Variants in HLA-DRB5 observed in about 807,000 individuals in gnomAD.
HLA-DRB5 encodes the protein major histocompatibility complex, class II, DR beta 5, also known as DR beta-5.
In HLA-DRB5, 11 loss-of-function variants were observed where a neutral mutation model predicts 22.4. That is an observed-to-expected ratio of 0.49 (90% CI 0.31 to 0.81). The LOEUF (loss-of-function observed/expected upper bound fraction) is 0.81, where lower values mean the gene tolerates loss of function less well. HLA-DRB5 is among the 40% of genes least tolerant of loss of function. The pLI, the probability that HLA-DRB5 is intolerant of heterozygous loss-of-function variation, is 0.05. For missense variants in HLA-DRB5, 106 were observed against 274.4 expected, an observed-to-expected ratio of 0.39 and a Z score of 4.34; for synonymous variants, 57 against 106.0, an observed-to-expected ratio of 0.54 and a Z score of 2.84.
chr6:32,523,225 T>C (rs191591557), intron 1 of HLA-DRB5, among the ~76,000 whole-genome samples: 276 of 37,978 alleles, frequency 7.3e-3, no homozygotes, highest in Middle Eastern at 0.017. Context: ...TTAAAAGAAA[T>C]TTGTTCATAA....
At chr6:32,520,661 ACT>A (rs1768731116) in intron 2 of HLA-DRB5, among the ~76,000 whole-genome samples, 2 of 83,134 alleles carry the variant, frequency 2.4e-5, no homozygotes, top group Non-Finnish European at 2.5e-5. Flanking sequence ...ACACTAGCAG[ACT>A]CTCAATAAAT....
intron 1 of HLA-DRB5, among the ~76,000 whole-genome samples, chr6:32,525,472 G>A (rs1156836444): frequency 7.1e-5 from 7 of 98,476 alleles, no homozygotes; most frequent in Admixed American, 3.2e-4. Context: ...TTTTGCAATT[G>A]TCTTCTGTTC....
rs780062911 is a variant in HLA-DRB5, at chr6:32,522,089, G to A, written c.186C>T (p.Asn62=). 3 of 1,293,672 alleles carry A rather than the reference G, an allele frequency of 2.3e-6. No individual in the cohort carries two copies. Among genetic ancestry groups the A allele is most frequent in the Non-Finnish European group, 3.2e-6 (3 of 924,966 alleles). The allele number at this position is 1,293,672 out of a possible 1,614,324, so 80.1% of individuals were successfully genotyped here. A position where few individuals can be genotyped will look rare whatever the true frequency, so the allele number is the denominator to read the frequency against. ...TGTCGAAGCGCAAGTCCTCCTCTTG[G>A]TTATAGATGTCTCTGTGCAGGAACC... ...RVRFLHRDIY[N]QEEDLRFDSD... The change falls in exon 2 of 6, where the codon AAC becomes AAT. Residue 62 remains asparagine, a synonymous_variant. Transcript: ENST00000374975.
chr6:32,528,121 G>C (rs1769834545), intron 1 of HLA-DRB5, among the ~76,000 whole-genome samples: 1 of 72,964 alleles, frequency 1.4e-5, no homozygotes, highest in Non-Finnish European at 2.7e-5. Flanking sequence ...TCGTCCCTTA[G>C]ATCTTCACGA....
At chr6:32,522,869 AG>A (rs1162439069) in intron 1 of HLA-DRB5, among the ~76,000 whole-genome samples, 757 of 33,848 alleles carry the variant, frequency 0.022, 53 homozygotes, top group East Asian at 0.032. Context: ...GGTGTGAACC[AG>A]GGGGCGGAGT....
chr6:32,522,733 A>G (rs115811914), intron 1 of HLA-DRB5, among the ~76,000 whole-genome samples: 1 of 67,754 alleles, frequency 1.5e-5, no homozygotes, highest in African/African-American at 6.3e-5. Context: ...CTTAGACAGG[A>G]ATGAGAAATG....
intron 1 of HLA-DRB5, among the ~76,000 whole-genome samples, chr6:32,524,303 C>T (rs74943410): frequency 0.24 from 29,698 of 121,668 alleles, 207 homozygotes; most frequent in Admixed American, 0.29. Context: ...CAAATCATAT[C>T]ATTTGTCTTT....
intron 1 of HLA-DRB5, among the ~76,000 whole-genome samples, chr6:32,529,260 G>T: frequency 8.4e-6 from 1 of 119,108 alleles, no homozygotes; most frequent in Non-Finnish European, 1.7e-5. Flanking sequence ...TCAAATTTCT[G>T]ATATTTGACT....
At chr6:32,529,600 C>G (rs1348465375) in intron 1 of HLA-DRB5, among the ~76,000 whole-genome samples, 27 of 87,930 alleles carry the variant, frequency 3.1e-4, no homozygotes, top group Middle Eastern at 7.7e-3. Flanking sequence ...ACAGGGTAAA[C>G]ATTGGAGTTC....
intron 1 of HLA-DRB5, among the ~76,000 whole-genome samples, chr6:32,524,347 T>A (rs72508450): frequency 0.11 from 11,413 of 108,546 alleles, 4 homozygotes; most frequent in Admixed American, 0.17. Context: ...CTCTGCCACT[T>A]GTCCACTAAT....
chr6:32,521,811 T>TCTCTCTCACACACACACA (rs879229020), intron 2 of HLA-DRB5, 94 bp downstream of exon 2: 5 of 249,376 alleles, frequency 2.0e-5, no homozygotes, highest in African/African-American at 2.0e-4. Flanking sequence ...CCTCTCTCTC[T>TCTCTCTCACACACACACA]CACACACACA....
chr6:32,521,604 T>A (rs868690109), intron 2 of HLA-DRB5, among the ~76,000 whole-genome samples: 59 of 60,928 alleles, frequency 9.7e-4, no homozygotes, highest in East Asian at 4.2e-3. Flanking sequence ...TCCAGCCCCC[T>A]GCACCCACCT....
At chr6:32,528,364 C>T (rs141658384) in intron 1 of HLA-DRB5, among the ~76,000 whole-genome samples, 8,488 of 132,104 alleles carry the variant, frequency 0.064, 418 homozygotes, top group Non-Finnish European at 0.081. Flanking sequence ...CTATCTTACT[C>T]AAATAGAATG....
chr6:32,521,582 GTC>G (rs1171845206), intron 2 of HLA-DRB5, among the ~76,000 whole-genome samples: 1,051 of 94,780 alleles, frequency 0.011, no homozygotes, highest in East Asian at 0.024. Flanking sequence ...GACAACCAAG[GTC>G]TCCTCTCTCT....
chr6:32,522,062 G>A lies in HLA-DRB5; in HGVS notation c.213C>T (p.Ser71=), dbSNP rs151326153. 47,685 of 1,195,682 alleles carry A rather than the reference G, an allele frequency of 0.04. 19 individuals are homozygous for A. Among genetic ancestry groups the A allele is most frequent in the Admixed American group, 0.064 (2,606 of 40,742 alleles). 74.1% of individuals were successfully genotyped at this position (1,195,682 alleles called of 1,614,324 possible). A position where few individuals can be genotyped will look rare whatever the true frequency, so the allele number is the denominator to read the frequency against. Reference sequence around the variant, plus strand: ...TCACCGCCCGGTACTCCCCCACGTCGCTGTCGAAGCGCAAGTCCTCCTCTT... The same window carrying A: ...TCACCGCCCGGTACTCCCCCACGTCACTGTCGAAGCGCAAGTCCTCCTCTT... ...YNQEEDLRFD[S]DVGEYRAVTE... is the part of the protein sequence containing the mutation. Residue 71 remains serine (S), a synonymous_variant, in exon 2 of 6, where the codon AGC becomes AGT. Transcript: ENST00000374975.
At chr6:32,525,218 A>AGG (rs1165091360) in intron 1 of HLA-DRB5, among the ~76,000 whole-genome samples, 2,940 of 35,244 alleles carry the variant, frequency 0.083, 686 homozygotes, top group Middle Eastern at 0.16. Context: ...GAATTGAAAT[A>AGG]TGACCTCTTT....
chr6:32,525,943 C>T (rs879446528), intron 1 of HLA-DRB5, among the ~76,000 whole-genome samples: 471 of 25,846 alleles, frequency 0.018, 99 homozygotes, highest in East Asian at 0.039. Context: ...TGAGCAGTCA[C>T]CACTGCACAC....
At chr6:32,524,831 G>GGTACCCAATTAA (rs1769402506) in intron 1 of HLA-DRB5, among the ~76,000 whole-genome samples, 1 of 84,522 alleles carries the variant, frequency 1.2e-5, no homozygotes, top group Admixed American at 1.4e-4. Context: ...AAAACCAGAG[G>GGTACCCAATTAA]ATGCCCAGGT....
chr6:32,525,818 A>T (rs113343973), intron 1 of HLA-DRB5, among the ~76,000 whole-genome samples: 3 of 103,796 alleles, frequency 2.9e-5, no homozygotes, highest in Non-Finnish European at 6.1e-5. Flanking sequence ...ATACTGATGG[A>T]GACCAGATTC....
Sources: allele counts gnomAD v4.1 joint callset (sites outside exome capture counted in the v4.1 genomes callset), GRCh38; gene constraint gnomAD v4.1.1; transcripts MANE v1.5; gene names NCBI Gene and HGNC (gene_info 2026-07-23, HGNC 2026-07-21).